CYTH2: variants seen among roughly 807,000 people sequenced by gnomAD.
CYTH2 encodes the protein cytohesin 2.
A neutral mutation model predicts 55.4 loss-of-function variants in CYTH2; 24 were observed. The observed-to-expected ratio is 0.43, with a 90% CI of 0.31 to 0.61. The LOEUF is 0.61. Ranked by LOEUF, CYTH2 falls within the 20% of genes least tolerant of loss-of-function variation. The pLI is 0.08. For synonymous variants in CYTH2, 221 were observed against 209.6 expected, an observed-to-expected ratio of 1.05 and a Z score of -0.47; for missense variants, 378 against 533.5, an observed-to-expected ratio of 0.71 and a Z score of 2.87.
Position 48,474,329 on chromosome 19 carries a change from G to C in CYTH2, c.695G>C (p.Arg232Thr). 1 of 1,594,168 alleles carries C rather than the reference G, an allele frequency of 6.3e-7. No individual in the cohort carries two copies. Among genetic ancestry groups the C allele is most frequent in the South Asian group, 1.1e-5 (1 of 87,554 alleles). The part of the protein sequence containing the change: ...EGGDLPEELL[R>T]NLYDSIRNEP... ...GGGGACCTGCCTGAGGAGCTGCTCA[G>C]GGTCAGTCCCCCTTCCCTGCCCCTC... Residue 232 changes from arginine (R) to threonine (T), a missense_variant and splice_region_variant, in exon 7 of 12, where the codon AGG (arginine) becomes ACG (threonine). Transcript: ENST00000452733. This position sits in a 1 kb window ranked among gnomAD's most constrained non-coding sequence, Gnocchi z 4.9.
rs1971735128 is a variant in CYTH2 at position 48,469,418 on chromosome 19, G to C, written c.-90G>C. On this transcript the variant is annotated 5_prime_UTR_variant, in exon 1 of 12. Transcript: ENST00000452733. ...GGCGGCGGTGGCTCCCGGGGCGTTTGAGCGGGCTCACCCGAGCCCGCGGGC... is the reference window on the plus strand; with the variant it reads ...GGCGGCGGTGGCTCCCGGGGCGTTTCAGCGGGCTCACCCGAGCCCGCGGGC... 7.8e-7 allele frequency: 1 copy of C among 1,287,568 alleles called. No individual in the cohort carries two copies. The highest frequency in any genetic ancestry group is 1.6e-5 in the African/African-American group (1 of 64,206). The allele number at this position is 1,287,568 out of a possible 1,614,324, so 79.8% of individuals were successfully genotyped here.
At position 48,478,510 on chromosome 19, in the gene CYTH2, C is replaced by A; in HGVS notation, c.1030C>A (p.Arg344=). Residue 344 remains arginine (R), a synonymous_variant, in exon 11 of 12, where the codon CGA becomes AGA. Transcript: ENST00000452733. ...IKACKTEADG[R]VVEGNHMVYR... The stretch of plus-strand genomic sequence containing the variant: ...AGCCTGCAAAACTGAGGCGGACGGC[C>A]GAGTGGTGGAGGGAAACCACATGGT... The A allele has an allele frequency of 6.2e-7, 1 of 1,614,144 alleles. No homozygotes were observed. The highest frequency in any genetic ancestry group is 8.5e-7 in the Non-Finnish European group (1 of 1,180,026).
In CYTH2 at chr19:48,474,774, C is replaced by A. The variant is rs1023973940; in HGVS notation, c.697-64C>A. ...TCCCATCCCTGGTCTCGCTGCCCCC[C>A]ACCCTGAGTAACCCTGGGGGGCCCC... On this transcript the variant is annotated intron_variant, in intron 7 of 11. Transcript: ENST00000452733. This position sits in a 1 kb window ranked among gnomAD's most constrained non-coding sequence, Gnocchi z 4.9. 6.2e-6 allele frequency: 9 copies of A among 1,456,644 alleles called. No homozygotes were observed. The highest frequency in any genetic ancestry group is 1.7e-4 in the Middle Eastern group (1 of 5,728). The allele number at this position is 1,456,644 out of a possible 1,614,324, so 90.2% of individuals were successfully genotyped here.
Position 48,475,289 on chromosome 19 carries a change from C to T in CYTH2, c.808+340C>T, listed in dbSNP as rs1055579355. ...AGTTCACTCAGGCTTCTTTCCACTGCGTTAACCCAGCCCGAGGGAGCCAAA... is the reference window on the plus strand; with the variant it reads ...AGTTCACTCAGGCTTCTTTCCACTGTGTTAACCCAGCCCGAGGGAGCCAAA... On this transcript the variant is annotated intron_variant, in intron 8 of 11. Transcript: ENST00000452733. 15 of 262,710 alleles carry T rather than the reference C, an allele frequency of 5.7e-5. No homozygotes were observed. The East Asian group carries it at 7.7e-4, about 13-fold the overall frequency. 16.3% of individuals were successfully genotyped at this position (262,710 alleles called of 1,614,324 possible).
In CYTH2 at chr19:48,479,281, G is replaced by T; in HGVS notation, c.*71G>T. On this transcript the variant is annotated 3_prime_UTR_variant, in exon 12 of 12. Transcript: ENST00000452733. Reference sequence around the variant, plus strand: ...GGGTGGCCGGACCCCTGGGCCTTGGGGCTGTGGATCCTGGTTCCCTGTTTG... The same window carrying T: ...GGGTGGCCGGACCCCTGGGCCTTGGTGCTGTGGATCCTGGTTCCCTGTTTG... 6.5e-7 allele frequency: 1 copy of T among 1,539,486 alleles called. No homozygotes were observed. Among genetic ancestry groups the T allele is most frequent in the South Asian group, 1.1e-5 (1 of 89,156 alleles).
intron 8 of CYTH2, chr19:48,475,723 A>G (rs1971899121): frequency 5.3e-6 from 1 of 187,874 alleles, no homozygotes; most frequent in South Asian, 7.7e-5. Context: ...TGGCTGGGCC[A>G]TAGACTCCTG....
Position 48,480,632 on chromosome 19 carries a change from G to C in CYTH2, c.*1422G>C, listed in dbSNP as rs1223520226. On this transcript the variant is annotated 3_prime_UTR_variant, in exon 12 of 12. Coordinates refer to ENST00000452733, the MANE Select transcript of CYTH2 (RefSeq NM_004228.7). The stretch of plus-strand genomic sequence containing the variant: ...GGCGGCGTTTGTCTTCTTTTTCTTA[G>C]TCAGATCCCGTACTTTTGTGGAGGG... The C allele has an allele frequency of 6.6e-6, 1 of 152,188 alleles. No individual in the cohort carries two copies. Among genetic ancestry groups the C allele is most frequent in the Non-Finnish European group, 1.5e-5 (1 of 68,036 alleles). 9.4% of individuals were successfully genotyped at this position (152,188 alleles called of 1,614,324 possible). A position where few individuals can be genotyped will look rare whatever the true frequency, so the allele number is the denominator to read the frequency against.
intron 1 of CYTH2, chr19:48,469,994 T>C (rs1160664861): frequency 1.8e-6 from 1 of 561,140 alleles, no homozygotes; most frequent in South Asian, 1.5e-5. Context: ...GGTCCCCAGC[T>C]ACCTCGCCAG....
chr19:48,471,034 G>A (rs1264781159), intron 3 of CYTH2, among the ~76,000 whole-genome samples: 1 of 152,162 alleles, frequency 6.6e-6, no homozygotes, highest in South Asian at 2.1e-4. Flanking sequence ...AAGGTATCAG[G>A]GTAGTGGACC....
rs1439239067 is a variant in CYTH2, at chr19:48,474,542, C to T, written c.696+212C>T. 2.6e-5 allele frequency among the ~76,000 whole-genome samples: 4 copies of T among 152,196 alleles called. No homozygotes were observed. The highest frequency in any genetic ancestry group is 4.4e-5 in the Non-Finnish European group (3 of 68,034). On this transcript the variant is annotated intron_variant, in intron 7 of 11. Transcript: ENST00000452733. This position sits in a 1 kb window ranked among gnomAD's most constrained non-coding sequence, Gnocchi z 4.9. ...TTTGGCCCTGACAATTTTGGCCTGT[C>T]TGTCTTCTCTGTCTCTGGCTGTTGG...
intron 1 of CYTH2, 144 bp downstream of exon 1, chr19:48,469,670 C>G (rs1470824044): frequency 1.6e-6 from 2 of 1,257,940 alleles, no homozygotes; most frequent in Non-Finnish European, 2.1e-6. Flanking sequence ...TTGTTGGGCG[C>G]TGGACGGGCT....
At position 48,473,360 on chromosome 19, in the gene CYTH2, A is replaced by C; in HGVS notation, c.416A>C (p.Asn139Thr). 1 of 1,614,118 alleles carries C rather than the reference A, an allele frequency of 6.2e-7. No homozygotes were observed. Among genetic ancestry groups the C allele is most frequent in the South Asian group, 1.1e-5 (1 of 91,086 alleles). ...FVDLHEFTDL[N>T]LVQALRQFLW... ...GATCTGCATGAGTTCACCGACCTCAATCTGGTGCAGGCCCTCAGGTGAGTG... is the reference window on the plus strand; with the variant it reads ...GATCTGCATGAGTTCACCGACCTCACTCTGGTGCAGGCCCTCAGGTGAGTG... Residue 139 changes from asparagine (N) to threonine (T), a missense_variant, in exon 5 of 12, where the codon AAT becomes ACT. Asn to Thr is a moderately conservative substitution (Grantham distance 65). Transcript: ENST00000452733.
intron 1 of CYTH2, 118 bp from the exon 2 acceptor site, chr19:48,470,235 T>C: frequency 1.4e-6 from 2 of 1,407,618 alleles, no homozygotes; most frequent in East Asian, 4.6e-5. Flanking sequence ...CCCATTCTTC[T>C]GTGCAGACAT....
intron 4 of CYTH2, chr19:48,472,840 G>A (rs549375472): frequency 2.0e-4 from 71 of 350,714 alleles, no homozygotes; most frequent in South Asian, 1.7e-3. Context: ...GGAGTTGTGG[G>A]GGTCATTTGG....
Position 48,470,682 on chromosome 19 carries a change from A to G in CYTH2, c.234+13A>G. The G allele has an allele frequency of 1.2e-6, 2 of 1,614,194 alleles. No homozygotes were observed. Among genetic ancestry groups the G allele is most frequent in the Non-Finnish European group, 1.7e-6 (2 of 1,180,014 alleles). ...GGACCCCAAGAAGGTGCTTGGGGCC[A>G]CAGGACTGGGATCAGCTGGGCAAAC... On this transcript the variant is annotated intron_variant, in intron 3 of 11. Coordinates refer to ENST00000452733, the MANE Select transcript of CYTH2 (RefSeq NM_004228.7).
At position 48,479,539 on chromosome 19, in the gene CYTH2, C is replaced by T. The variant is rs1972010551; in HGVS notation, c.*329C>T. ...TGTTCTGGTTTCACCCCGAGCCCAG[C>T]AGGAGTGGAGTAAAGGGAGAAGGTT... On this transcript the variant is annotated 3_prime_UTR_variant, in exon 12 of 12. Coordinates refer to ENST00000452733, the MANE Select transcript of CYTH2 (RefSeq NM_004228.7). The T allele has an allele frequency of 9.2e-6, 3 of 324,742 alleles. No individual in the cohort carries two copies. In the South Asian group the frequency reaches 1.4e-4, roughly 16 times the overall value. The allele number at this position is 324,742 out of a possible 1,614,324, so 20.1% of individuals were successfully genotyped here.
chr19:48,477,979 G>T, intron 8 of CYTH2, 90 bp from the exon 9 acceptor site: 2 of 1,060,036 alleles, frequency 1.9e-6, no homozygotes, highest in Non-Finnish European at 1.4e-6. Flanking sequence ...CACCTCTACC[G>T]CTCTTGCTCT....
In CYTH2 at chr19:48,478,181, G is replaced by A. The variant is rs577220917; in HGVS notation, c.885+36G>A. The A allele has an allele frequency of 5.8e-5, 93 of 1,612,904 alleles. 1 individual carries two copies. The highest frequency in any genetic ancestry group is 7.5e-5 in the Non-Finnish European group (88 of 1,179,164). The stretch of plus-strand genomic sequence containing the variant: ...CCCGACCCGGGCTCTGGGGTCCTGG[G>A]CGGAGTGGCTGGGAGCCTGGACTCC... On this transcript the variant is annotated intron_variant, in intron 9 of 11. Coordinates refer to ENST00000452733, the MANE Select transcript of CYTH2 (RefSeq NM_004228.7).
rs8106937 is a variant in CYTH2, at chr19:48,469,483, T to C, written c.-25T>C. ...GCCCGACTGGCGGGACCGCCCCGGA[T>C]TCCCCGCGGGCCTTCCTAGCCGCCA... On this transcript the variant is annotated 5_prime_UTR_variant, in exon 1 of 12. Coordinates refer to ENST00000452733, the MANE Select transcript of CYTH2 (RefSeq NM_004228.7). 46,957 of 1,314,196 alleles carry C rather than the reference T, an allele frequency of 0.036. 4,387 individuals are homozygous for C. The highest frequency in any genetic ancestry group is 0.35 in the African/African-American group (22,673 of 64,574). 81.4% of individuals were successfully genotyped at this position (1,314,196 alleles called of 1,614,324 possible). A position where few individuals can be genotyped will look rare whatever the true frequency, so the allele number is the denominator to read the frequency against.
Sources: allele counts gnomAD v4.1 joint callset (sites outside exome capture counted in the v4.1 genomes callset), GRCh38; gene constraint gnomAD v4.1.1; non-coding constraint Gnocchi (gnomAD v3.1); transcripts MANE v1.5; gene names NCBI Gene and HGNC (gene_info 2026-07-23, HGNC 2026-07-21).